The following STK32B variants were observed in gnomAD, a reference collection of about 807,000 sequenced individuals.
The protein encoded by STK32B is serine/threonine-protein kinase 32B.
In STK32B, 43 loss-of-function variants were observed where a neutral mutation model predicts 52.6. The observed-to-expected ratio is 0.82, with a 90% confidence interval of 0.64 to 1.05. The LOEUF (loss-of-function observed/expected upper bound fraction) is 1.05, where lower values mean the gene tolerates loss of function less well. Among genes scored for constraint, STK32B ranks in the 50% least tolerant of loss-of-function variants. The pLI, the probability that STK32B is intolerant of heterozygous loss-of-function variation, is 0.00. For synonymous variants in STK32B, 238 were observed against 204.3 expected (o/e 1.17, Z -1.41); for missense variants, 621 against 534.6 (o/e 1.16, Z -1.59).
At chr4:5,293,314 A>AT (rs1344408538) in intron 3 of STK32B, among the ~76,000 whole-genome samples, 1 of 152,052 alleles carries the variant, frequency 6.6e-6, no homozygotes. Flanking sequence ...CAGTAATGAC[A>AT]TTACTGGGTC....
chr4:5,362,262 C>T (rs1283166920), intron 4 of STK32B, among the ~76,000 whole-genome samples: 1 of 152,098 alleles, frequency 6.6e-6, no homozygotes, highest in Non-Finnish European at 1.5e-5. Context: ...GTCAGCTAAG[C>T]CCCAGACATT....
intron 1 of STK32B, among the ~76,000 whole-genome samples, chr4:5,055,839 T>C (rs1741983145): frequency 6.6e-6 from 1 of 151,514 alleles, no homozygotes; most frequent in South Asian, 2.1e-4. Flanking sequence ...CTACTTAAAA[T>C]GTCATTCCAA....
chr4:5,249,429 T>A lies in STK32B; in HGVS notation c.260+80979T>A, dbSNP rs374670543. On this transcript the variant is annotated intron_variant, in intron 3 of 11. Coordinates refer to ENST00000282908, the MANE Select transcript of STK32B (RefSeq NM_018401.3). ...GTCTTCCTGCCTGTCTGTTCTTCCT[T>A]CCTTCCTACCTACCTTCCTTCCTTC... Among the ~76,000 whole-genome samples, 331 of 94,258 alleles carry A rather than the reference T, an allele frequency of 3.5e-3. 2 individuals carry two copies. The highest frequency in any genetic ancestry group is 0.011 in the African/African-American group (282 of 24,592). The allele number at this position is 94,258 out of a possible 152,430, so 61.8% of individuals were successfully genotyped here.
In STK32B at chr4:5,400,274, T is replaced by G. The variant is rs1032083078; in HGVS notation, c.472+2030T>G. Reference sequence around the variant, plus strand: ...TCCCCTAGGTTTTCTCTTTCCTGCCTTTTGGATTTCCATCCATCCCATTCC... The same window carrying G: ...TCCCCTAGGTTTTCTCTTTCCTGCCGTTTGGATTTCCATCCATCCCATTCC... On this transcript the variant is annotated intron_variant, in intron 5 of 11. Coordinates refer to ENST00000282908, the MANE Select transcript of STK32B (RefSeq NM_018401.3). This position sits in a 1 kb window ranked among gnomAD's most constrained non-coding sequence, Gnocchi z 6.1. 6.6e-5 allele frequency among the ~76,000 whole-genome samples: 10 copies of G among 152,306 alleles called. No individual in the cohort carries two copies. The highest frequency in any genetic ancestry group is 2.4e-4 in the African/African-American group (10 of 41,576).
rs551397399 is a variant in STK32B at position 5,470,868 on chromosome 4, C to T, written c.1106+2798C>T. On this transcript the variant is annotated intron_variant, in intron 11 of 11. Transcript: ENST00000282908. This position sits in a 1 kb window ranked among gnomAD's most constrained non-coding sequence, Gnocchi z 4.6. Reference sequence around the variant, plus strand: ...TGAGTAGCTGGAAAATTAAATCGAGCACCTTCTTCCCCACTTGAGCAGTGT... The same window carrying T: ...TGAGTAGCTGGAAAATTAAATCGAGTACCTTCTTCCCCACTTGAGCAGTGT... Among the ~76,000 whole-genome samples the T allele has an allele frequency of 1.1e-4, 16 of 152,364 alleles. No homozygotes were observed. The East Asian group carries it at 2.9e-3, about 28-fold the overall frequency.
At chr4:5,304,464 CTTGAT>C (rs1729786195) in intron 3 of STK32B, among the ~76,000 whole-genome samples, 1 of 145,154 alleles carries the variant, frequency 6.9e-6, no homozygotes, top group Non-Finnish European at 1.5e-5. Flanking sequence ...GGATTGAGTT[CTTGAT>C]TTGATTCTCA....
rs1715497392 is a variant in STK32B at position 5,446,846 on chromosome 4, C to T, written c.666+70C>T. The stretch of plus-strand genomic sequence containing the variant: ...GGGGCTCACGTTGTACCTGGACGGG[C>T]AGAGTCGGCAGGGCCCGCGGTGCAG... On this transcript the variant is annotated intron_variant, in intron 7 of 11. Transcript: ENST00000282908. 2.0e-6 allele frequency: 3 copies of T among 1,505,358 alleles called. No homozygotes were observed. In the South Asian group the frequency reaches 3.4e-5, roughly 17 times the overall value. The allele number at this position is 1,505,358 out of a possible 1,614,324, so 93.3% of individuals were successfully genotyped here.
intron 2 of STK32B, among the ~76,000 whole-genome samples, chr4:5,150,211 TA>T (rs961121008): frequency 6.6e-6 from 1 of 152,062 alleles, no homozygotes; most frequent in Non-Finnish European, 1.5e-5. Flanking sequence ...ACTCTTGACT[TA>T]AAAAAATAGT....
chr4:5,251,190 G>C (rs1323965262), intron 3 of STK32B, among the ~76,000 whole-genome samples: 4 of 152,100 alleles, frequency 2.6e-5, no homozygotes, highest in African/African-American at 9.7e-5. Flanking sequence ...TATAGTTTTA[G>C]GTTTTACATT....
At chr4:5,207,467 C>A (rs1337809507) in intron 3 of STK32B, among the ~76,000 whole-genome samples, 3 of 152,066 alleles carry the variant, frequency 2.0e-5, no homozygotes, top group Non-Finnish European at 4.4e-5. Flanking sequence ...TCCTCCTTCA[C>A]CTTCTGCCAT....
At chr4:5,329,403 A>G (rs1051623800) in intron 3 of STK32B, among the ~76,000 whole-genome samples, 4 of 152,214 alleles carry the variant, frequency 2.6e-5, no homozygotes, top group Middle Eastern at 3.4e-3. Context: ...GCCTCCCGCC[A>G]TGGGTCATGC....
chr4:5,060,620 T>A (rs1742183502), intron 1 of STK32B, among the ~76,000 whole-genome samples: 1 of 152,188 alleles, frequency 6.6e-6, no homozygotes, highest in African/African-American at 2.4e-5. Flanking sequence ...CTTTATTTTT[T>A]ATTTCACTTA....
intron 4 of STK32B, among the ~76,000 whole-genome samples, chr4:5,383,566 G>T (rs1736062985): frequency 6.6e-6 from 1 of 152,202 alleles, no homozygotes; most frequent in African/African-American, 2.4e-5. Flanking sequence ...TCCTCAGGAG[G>T]CATTGGAACT....
the STK32B span, among the ~76,000 whole-genome samples, chr4:5,030,845 A>C: frequency 6.6e-6 from 1 of 152,196 alleles, no homozygotes; most frequent in Admixed American, 6.5e-5. Context: ...TGTGTGTATT[A>C]GGTTCTCCTA....
chr4:5,094,944 T>C (rs1373378636), intron 1 of STK32B, among the ~76,000 whole-genome samples: 1 of 152,194 alleles, frequency 6.6e-6, no homozygotes, highest in African/African-American at 2.4e-5. Context: ...TACTGCACAC[T>C]ACTAGCTGCC....
At chr4:5,376,363 C>CA (rs1735585686) in intron 4 of STK32B, among the ~76,000 whole-genome samples, 1 of 152,036 alleles carries the variant, frequency 6.6e-6, no homozygotes, top group Non-Finnish European at 1.5e-5. Context: ...AGCAAAAATA[C>CA]AAAAATATCT....
chr4:5,301,616 G>T (rs762097854), intron 3 of STK32B, among the ~76,000 whole-genome samples: 3 of 144,898 alleles, frequency 2.1e-5, no homozygotes, highest in Non-Finnish European at 4.5e-5. Flanking sequence ...GTTGGTAGTA[G>T]TGTTTTCTTT....
At chr4:5,080,770 A>C (rs896071997) in intron 1 of STK32B, among the ~76,000 whole-genome samples, 11 of 152,144 alleles carry the variant, frequency 7.2e-5, no homozygotes, top group African/African-American at 2.7e-4. Context: ...ATCGCCTTAC[A>C]TAGTTACCTT....
At chr4:5,148,959 A>G (rs1329695513) in intron 2 of STK32B, among the ~76,000 whole-genome samples, 1 of 151,848 alleles carries the variant, frequency 6.6e-6, no homozygotes, top group African/African-American at 2.4e-5. Flanking sequence ...CCCTACTATT[A>G]TAAAATATCC....
Sources: allele counts gnomAD v4.1 joint callset (sites outside exome capture counted in the v4.1 genomes callset), GRCh38; gene constraint gnomAD v4.1.1; non-coding constraint Gnocchi (gnomAD v3.1); transcripts MANE v1.5; gene names NCBI Gene and HGNC (gene_info 2026-07-23, HGNC 2026-07-21).